The following TRHDE variants were observed in gnomAD, a reference collection of about 807,000 sequenced individuals.
The protein encoded by TRHDE is thyrotropin-releasing hormone-degrading ectoenzyme.
In TRHDE, 72 loss-of-function variants were observed where a neutral mutation model predicts 125.7. That is an observed-to-expected ratio of 0.57 (90% confidence interval 0.47 to 0.70). The LOEUF is 0.70. Among genes scored for constraint, TRHDE ranks in the 30% least tolerant of loss-of-function variants. The probability of loss-of-function intolerance (pLI) is 0.00; values close to 1 mark genes in which losing one functional copy is unlikely to be tolerated. For missense variants in TRHDE, 1,110 were observed against 1,327.1 expected, an observed-to-expected ratio of 0.84 and a Z score of 2.54; for synonymous variants, 509 against 509.1, an observed-to-expected ratio of 1.00 and a Z score of 0.00.
At chr12:72,442,813 C>T (rs1875081105) in intron 3 of TRHDE, among the ~76,000 whole-genome samples, 1 of 151,808 alleles carries the variant, frequency 6.6e-6, no homozygotes, top group Non-Finnish European at 1.5e-5. Context: ...GTTCCTTCAC[C>T]TTGCTGCCTT....
At chr12:72,373,745 T>G (rs1351247853) in intron 2 of TRHDE, among the ~76,000 whole-genome samples, 2 of 152,154 alleles carry the variant, frequency 1.3e-5, no homozygotes, top group Non-Finnish European at 2.9e-5. Context: ...CTCAAAATCC[T>G]TGATCGAGAA....
At chr12:72,598,872 G>T (rs1284716450) in intron 12 of TRHDE, among the ~76,000 whole-genome samples, 1 of 151,618 alleles carries the variant, frequency 6.6e-6, no homozygotes, top group African/African-American at 2.4e-5. Context: ...TTTAACCCTT[G>T]CCCTTCGTCC....
chr12:72,241,293 C>T (rs569410603), intron 2 of TRHDE, among the ~76,000 whole-genome samples: 1 of 152,278 alleles, frequency 6.6e-6, no homozygotes, highest in African/African-American at 2.4e-5. Flanking sequence ...TGTGCTATCC[C>T]TTTGTAGTCA....
chr12:72,462,791 C>T (rs1166181783), intron 3 of TRHDE, among the ~76,000 whole-genome samples: 1 of 152,160 alleles, frequency 6.6e-6, no homozygotes, highest in Non-Finnish European at 1.5e-5. Context: ...ATTGCAGTCT[C>T]ATATTATCTA....
intron 2 of TRHDE, among the ~76,000 whole-genome samples, chr12:72,348,386 A>G (rs56078393): frequency 0.027 from 4,070 of 152,100 alleles, 200 homozygotes; most frequent in African/African-American, 0.093. Context: ...CTGGTGAGGC[A>G]GTTAATCGCT....
intron 2 of TRHDE, among the ~76,000 whole-genome samples, chr12:72,138,542 G>T (rs114093531): frequency 0.011 from 1,681 of 152,322 alleles, 28 homozygotes; most frequent in African/African-American, 0.039. Context: ...TGCACCTGAA[G>T]TAGGTATTTG....
intron 12 of TRHDE, among the ~76,000 whole-genome samples, chr12:72,588,937 G>A (rs2136045291): frequency 6.6e-6 from 1 of 152,124 alleles, no homozygotes; most frequent in Non-Finnish European, 1.5e-5. Context: ...AAGCAAAGAG[G>A]GAAAAACCCC....
chr12:72,272,371 A>C lies in TRHDE; in HGVS notation c.-273A>C. The C allele has an allele frequency of 2.7e-6, 1 of 369,362 alleles. No individual in the cohort carries two copies. The highest frequency in any genetic ancestry group is 6.9e-5 in the East Asian group (1 of 14,548). 22.9% of individuals were successfully genotyped at this position (369,362 alleles called of 1,614,324 possible). ...TGCCCCGCCGCCGGGTGCTCGTCCG[A>C]GAAGTAGCGCGCGCTGGGCAAGCAA... On this transcript the variant is annotated 5_prime_UTR_variant, in exon 1 of 19. Transcript: ENST00000261180. The surrounding 1 kb of genome is among the most constrained non-coding windows in gnomAD (Gnocchi z 6.7).
intron 5 of TRHDE, among the ~76,000 whole-genome samples, chr12:72,474,923 T>A (rs1876820988): frequency 6.6e-6 from 1 of 152,214 alleles, no homozygotes; most frequent in East Asian, 1.9e-4. Context: ...CAATGTGTTT[T>A]AATTATTTTC....
intron 6 of TRHDE, among the ~76,000 whole-genome samples, chr12:72,528,574 C>T (rs12371404): frequency 0.13 from 20,061 of 152,110 alleles, 1,409 homozygotes; most frequent in Middle Eastern, 0.23. Flanking sequence ...CTGCAACCTC[C>T]ACCTGCCGGG....
At chr12:72,613,921 A>G (rs1565810416) in intron 12 of TRHDE, among the ~76,000 whole-genome samples, 2 of 152,136 alleles carry the variant, frequency 1.3e-5, no homozygotes, top group Non-Finnish European at 2.9e-5. Flanking sequence ...TGCAGGATGT[A>G]AAGGAACAAT....
At chr12:72,115,707 A>G (rs939531063) in intron 2 of TRHDE, among the ~76,000 whole-genome samples, 6 of 152,060 alleles carry the variant, frequency 3.9e-5, no homozygotes, top group Non-Finnish European at 8.8e-5. Flanking sequence ...CCTCACTAGC[A>G]TTTATTATTA....
Position 72,669,364 on chromosome 12 carries a change from G to T in TRHDE, c.*6169G>T, listed in dbSNP as rs570872487. ...TTAACATTTTCAATGGGTTTGCTGT[G>T]TGAAGATACAGTCTAAGATAAGTGC... is the stretch of plus-strand genomic sequence containing the variant. On this transcript the variant is annotated 3_prime_UTR_variant, in exon 19 of 19. Coordinates refer to ENST00000261180, the MANE Select transcript of TRHDE (RefSeq NM_013381.3). The T allele has an allele frequency of 6.6e-6, 1 of 151,932 alleles. No homozygotes were observed. The highest frequency in any genetic ancestry group is 2.1e-4 in the South Asian group (1 of 4,826). 9.4% of individuals were successfully genotyped at this position (151,932 alleles called of 1,614,324 possible). A position where few individuals can be genotyped will look rare whatever the true frequency, so the allele number is the denominator to read the frequency against.
In TRHDE at chr12:72,300,409, C is replaced by T. The variant is rs1273913931; in HGVS notation, c.1188+13455C>T. Among the ~76,000 whole-genome samples, 7 of 150,276 alleles carry T rather than the reference C, an allele frequency of 4.7e-5. No homozygotes were observed. In the South Asian group the frequency reaches 1.3e-3, roughly 27 times the overall value. On this transcript the variant is annotated intron_variant, in intron 2 of 18. Coordinates refer to ENST00000261180, the MANE Select transcript of TRHDE (RefSeq NM_013381.3). Reference sequence around the variant, plus strand: ...ACACACACACACACACATTGCTGGGCAGCTCACAGAGATATGTATTATATA... The same window carrying T: ...ACACACACACACACACATTGCTGGGTAGCTCACAGAGATATGTATTATATA...
chr12:72,511,601 A>G (rs1175978096), intron 6 of TRHDE, among the ~76,000 whole-genome samples: 2 of 152,130 alleles, frequency 1.3e-5, no homozygotes, highest in African/African-American at 4.8e-5. Flanking sequence ...ACATGGTGGG[A>G]GGAGATAGTT....
At chr12:72,278,679 T>C (rs528269099) in intron 1 of TRHDE, among the ~76,000 whole-genome samples, 2 of 152,344 alleles carry the variant, frequency 1.3e-5, no homozygotes, top group Non-Finnish European at 2.9e-5. Context: ...TGGTTGCATT[T>C]CCCTGATGAT....
At chr12:72,271,691 C>T, upstream of TRHDE, 1 of 345,156 alleles carries the variant, frequency 2.9e-6, no homozygotes, top group South Asian at 2.2e-5. Context: ...CTGGAGTAGC[C>T]CTGGCAATCT....
At chr12:72,321,870 C>CATAA in intron 2 of TRHDE, among the ~76,000 whole-genome samples, 1 of 151,978 alleles carries the variant, frequency 6.6e-6, no homozygotes, top group East Asian at 1.9e-4. Context: ...TATATATCTA[C>CATAA]ATACATACAC....
chr12:72,612,786 G>GT (rs1872681548), intron 12 of TRHDE, among the ~76,000 whole-genome samples: 1 of 152,008 alleles, frequency 6.6e-6, no homozygotes, highest in African/African-American at 2.4e-5. Context: ...TAAAACTAAG[G>GT]TTTTTTTCTC....
Sources: gnomAD v4.1 joint callset for allele counts (sites outside exome capture counted in the v4.1 genomes callset) on GRCh38, gnomAD v4.1.1 for gene constraint, Gnocchi (gnomAD v3.1) non-coding constraint, MANE v1.5 for transcripts, NCBI Gene and HGNC (gene_info 2026-07-23, HGNC 2026-07-21) for gene names.